SPTLC2: variants seen among roughly 807,000 people sequenced by gnomAD.
SPTLC2 encodes the protein serine palmitoyltransferase long chain base subunit 2.
A neutral mutation model predicts 62.0 loss-of-function variants in SPTLC2; 21 were observed. That is an observed-to-expected ratio of 0.34 (90% CI 0.24 to 0.49). SPTLC2 has a LOEUF of 0.49. Among genes scored for constraint, SPTLC2 ranks in the 20% least tolerant of loss-of-function variants. The pLI, the probability that SPTLC2 is intolerant of heterozygous loss-of-function variation, is 0.99. For synonymous variants in SPTLC2, 261 were observed against 261.8 expected (o/e 1.00, Z 0.03); for missense variants, 511 against 713.0 (o/e 0.72, Z 3.23).
intron 6 of SPTLC2, among the ~76,000 whole-genome samples, chr14:77,561,584 C>G (rs1453443043): frequency 6.6e-6 from 1 of 150,662 alleles, no homozygotes; most frequent in Non-Finnish European, 1.5e-5. Context: ...GCACTCCAGC[C>G]TGGGTGACAG....
intron 9 of SPTLC2, among the ~76,000 whole-genome samples, chr14:77,538,768 G>A (rs28714070): frequency 0.17 from 25,283 of 151,756 alleles, 2,385 homozygotes; most frequent in African/African-American, 0.26. Flanking sequence ...ATGGGGTTTC[G>A]CCATGTTGCT....
At chr14:77,514,110 G>C (rs745733618) in intron 11 of SPTLC2, among the ~76,000 whole-genome samples, 2 of 152,072 alleles carry the variant, frequency 1.3e-5, no homozygotes, top group Non-Finnish European at 2.9e-5. Flanking sequence ...TTGAGGCTGG[G>C]AGATGGAGGC....
Position 77,510,084 on chromosome 14 carries a change from A to G in SPTLC2, c.*2200T>C, listed in dbSNP as rs2139987604. 5.0e-6 allele frequency: 2 copies of G among 396,700 alleles called. No homozygotes were observed. Among genetic ancestry groups the G allele is most frequent in the Non-Finnish European group, 8.9e-6 (2 of 225,270 alleles). 24.6% of individuals were successfully genotyped at this position (396,700 alleles called of 1,614,324 possible). ...GTGGGATTCTATGGTAGGAAACTAG[A>G]TGTGCAGAAAAGGTTGACAATGTAT... On this transcript the variant is annotated 3_prime_UTR_variant, in exon 12 of 12. Coordinates refer to ENST00000216484, the MANE Select transcript of SPTLC2 (RefSeq NM_004863.4).
intron 2 of SPTLC2, among the ~76,000 whole-genome samples, chr14:77,589,503 A>C (rs2079803259): frequency 6.8e-6 from 1 of 146,136 alleles, no homozygotes; most frequent in Admixed American, 6.9e-5. Context: ...TTTTTTAGAG[A>C]TAATGGCCAG....
At chr14:77,597,413 C>A in intron 1 of SPTLC2, 33 bp from the exon 2 acceptor site, 1 of 1,587,440 alleles carries the variant, frequency 6.3e-7, no homozygotes, top group South Asian at 1.1e-5. Flanking sequence ...TTATTTCCAT[C>A]ATGGCAAGAA....
At chr14:77,534,846 T>G (rs2079460904) in intron 9 of SPTLC2, among the ~76,000 whole-genome samples, 1 of 152,130 alleles carries the variant, frequency 6.6e-6, no homozygotes, top group African/African-American at 2.4e-5. Context: ...GCAGCTTACA[T>G]TCCAGTGTGG....
chr14:77,529,304 A>G, intron 9 of SPTLC2, among the ~76,000 whole-genome samples: 1 of 149,606 alleles, frequency 6.7e-6, no homozygotes, highest in East Asian at 2.0e-4. Context: ...AGGACAGTTT[A>G]AACCAGGACA....
At chr14:77,543,383 G>A (rs12100991) in intron 9 of SPTLC2, among the ~76,000 whole-genome samples, 4,295 of 152,230 alleles carry the variant, frequency 0.028, 216 homozygotes, top group African/African-American at 0.098. Context: ...CTGAGACAAA[G>A]AGATAAGGAA....
chr14:77,613,657 A>G (rs1468150217), intron 1 of SPTLC2, among the ~76,000 whole-genome samples: 3 of 152,216 alleles, frequency 2.0e-5, no homozygotes, highest in Non-Finnish European at 2.9e-5. Flanking sequence ...CCTGTTCATT[A>G]AAAGACATGG....
intron 2 of SPTLC2, among the ~76,000 whole-genome samples, chr14:77,583,898 T>A (rs948223327): frequency 6.6e-6 from 1 of 152,186 alleles, no homozygotes; most frequent in Non-Finnish European, 1.5e-5. Context: ...AAGGATATAC[T>A]CATAAACATT....
chr14:77,541,355 T>C (rs2079499833), intron 9 of SPTLC2, among the ~76,000 whole-genome samples: 2 of 152,156 alleles, frequency 1.3e-5, no homozygotes, highest in African/African-American at 2.4e-5. Flanking sequence ...AATTTAAATA[T>C]AAATAACAAA....
chr14:77,609,946 C>T (rs1343691221), intron 1 of SPTLC2, among the ~76,000 whole-genome samples: 1 of 152,116 alleles, frequency 6.6e-6, no homozygotes, highest in Non-Finnish European at 1.5e-5. Context: ...ACATATGTTT[C>T]ATTTTTCTTG....
intron 9 of SPTLC2, among the ~76,000 whole-genome samples, chr14:77,539,506 T>TTTG (rs374182497): frequency 0.091 from 7,085 of 77,446 alleles, 178 homozygotes; most frequent in East Asian, 0.2. Context: ...TTTTTTTTTT[T>TTTG]GGAGATGGGG....
intron 1 of SPTLC2, among the ~76,000 whole-genome samples, chr14:77,601,813 C>T (rs2079878921): frequency 6.6e-6 from 1 of 152,322 alleles, no homozygotes. Flanking sequence ...CAATCTCTCC[C>T]TTCTCTTAAT....
chr14:77,611,164 G>C (rs1189671710), intron 1 of SPTLC2, among the ~76,000 whole-genome samples: 2 of 150,888 alleles, frequency 1.3e-5, no homozygotes, highest in African/African-American at 4.9e-5. Context: ...TTAGCCGGGT[G>C]TGTTGGTGAG....
intron 2 of SPTLC2, among the ~76,000 whole-genome samples, chr14:77,586,636 A>C (rs1047179968): frequency 1.3e-5 from 2 of 152,240 alleles, no homozygotes; most frequent in Admixed American, 1.3e-4. Context: ...GCTAAGCGAA[A>C]GACAAGCCAC....
chr14:77,615,639 A>C (rs865873645), intron 1 of SPTLC2, among the ~76,000 whole-genome samples: 2 of 152,246 alleles, frequency 1.3e-5, no homozygotes, highest in African/African-American at 4.8e-5. Context: ...TGTAAGGTTG[A>C]TAATAAGCAT....
At chr14:77,536,070 G>C in intron 9 of SPTLC2, 1 of 401,744 alleles carries the variant, frequency 2.5e-6, no homozygotes, top group Non-Finnish European at 4.9e-6. Flanking sequence ...GCTAAAAACT[G>C]TGGAGACACA....
At chr14:77,555,157 G>A (rs1282581411) in intron 8 of SPTLC2, 143 bp downstream of exon 8, 2 of 839,890 alleles carry the variant, frequency 2.4e-6, no homozygotes, top group Admixed American at 1.8e-5. Flanking sequence ...GGAGACATTA[G>A]AGTCACTCAC....
Sources: gnomAD v4.1 joint callset for allele counts (sites outside exome capture counted in the v4.1 genomes callset) on GRCh38, gnomAD v4.1.1 for gene constraint, MANE v1.5 for transcripts, NCBI Gene and HGNC (gene_info 2026-07-23, HGNC 2026-07-21) for gene names.